SLC38A12: variants seen among roughly 807,000 people sequenced by gnomAD.
SLC38A12 encodes the protein putative sodium-coupled neutral amino acid transporter 12.
chr17:74,781,562 A>C, the SLC38A12 span, among the ~76,000 whole-genome samples: 5 of 152,204 alleles, frequency 3.3e-5, no homozygotes, highest in Non-Finnish European at 5.9e-5. Flanking sequence ...CACAGGCATG[A>C]GCCACCATAC....
chr17:74,826,454 C>T, the SLC38A12 span, among the ~76,000 whole-genome samples: 1 of 152,236 alleles, frequency 6.6e-6, no homozygotes, highest in Admixed American at 6.5e-5. Flanking sequence ...AGCTAGAATC[C>T]TCCAGAAAGC....
chr17:74,813,087 G>A, the SLC38A12 span, among the ~76,000 whole-genome samples: 2 of 152,226 alleles, frequency 1.3e-5, no homozygotes, highest in African/African-American at 4.8e-5. Flanking sequence ...ATGGGAGCCA[G>A]CGGGTCACAG....
chr17:74,794,302 CCTG>C, the SLC38A12 span, among the ~76,000 whole-genome samples: 2 of 152,216 alleles, frequency 1.3e-5, no homozygotes, highest in Non-Finnish European at 2.9e-5. Context: ...CGTTCAGCCT[CCTG>C]CTGGAGTGAG....
At chr17:74,814,465 C>T in the SLC38A12 span, among the ~76,000 whole-genome samples, 13 of 152,198 alleles carry the variant, frequency 8.5e-5, no homozygotes, top group African/African-American at 2.7e-4. Flanking sequence ...ATATCATTCT[C>T]CCTGAAGCCA....
chr17:74,819,055 G>A, the SLC38A12 span, among the ~76,000 whole-genome samples: 8,209 of 152,250 alleles, frequency 0.054, 252 homozygotes, highest in Middle Eastern at 0.14. Flanking sequence ...ACCAGCACCC[G>A]CTTCTCTGCC....
the SLC38A12 span, among the ~76,000 whole-genome samples, chr17:74,790,022 C>T: frequency 6.6e-6 from 1 of 150,676 alleles, no homozygotes; most frequent in African/African-American, 2.4e-5. Context: ...GTTGCAATCA[C>T]GGCTCACTGC....
the SLC38A12 span, among the ~76,000 whole-genome samples, chr17:74,816,152 T>A: frequency 6.6e-6 from 1 of 152,204 alleles, no homozygotes; most frequent in East Asian, 1.9e-4. Context: ...CTCCTCCCTG[T>A]CAGCCCCATC....
At chr17:74,839,026 C>T in the SLC38A12 span, 3 of 1,535,734 alleles carry the variant, frequency 2.0e-6, no homozygotes, top group Non-Finnish European at 2.6e-6. Context: ...CCCCAGATGC[C>T]CCCGGTGCAG....
At chr17:74,823,737 C>T in the SLC38A12 span, among the ~76,000 whole-genome samples, 1 of 152,214 alleles carries the variant, frequency 6.6e-6, no homozygotes, top group African/African-American at 2.4e-5. Flanking sequence ...AGGTGGCCAC[C>T]GCAGATTCCT....
chr17:74,825,976 C>T, the SLC38A12 span, among the ~76,000 whole-genome samples: 2 of 152,216 alleles, frequency 1.3e-5, no homozygotes, highest in Non-Finnish European at 2.9e-5. Flanking sequence ...CTCTCCTTCC[C>T]GTCTCTCTCT....
chr17:74,838,462 C>T, the SLC38A12 span: 21 of 1,022,546 alleles, frequency 2.1e-5, no homozygotes, highest in African/African-American at 3.3e-4. Flanking sequence ...ATCATCCTGC[C>T]ACCCGAGGCT....
chr17:74,818,259 C>G, the SLC38A12 span, among the ~76,000 whole-genome samples: 1 of 152,184 alleles, frequency 6.6e-6, no homozygotes, highest in African/African-American at 2.4e-5. Flanking sequence ...GCCCCATCCC[C>G]CAAGCCTGAT....
At chr17:74,777,251 C>T in the SLC38A12 span, 1 of 1,550,428 alleles carries the variant, frequency 6.4e-7, no homozygotes, top group Non-Finnish European at 8.9e-7. Context: ...GAAGCCTGCT[C>T]TTTTGTTTTA....
At chr17:74,810,619 A>T in the SLC38A12 span, among the ~76,000 whole-genome samples, 6 of 152,326 alleles carry the variant, frequency 3.9e-5, no homozygotes, top group East Asian at 1.2e-3. Context: ...CTAGAACCCG[A>T]CAGCCTGTCC....
the SLC38A12 span, chr17:74,836,516 C>T: frequency 5.0e-6 from 8 of 1,612,712 alleles, no homozygotes; most frequent in Non-Finnish European, 6.8e-6. This position sits in a 1 kb window ranked among gnomAD's most constrained non-coding sequence, Gnocchi z 4.2. Context: ...TCCCCGCCTT[C>T]CTGGTGTACC....
the SLC38A12 span, among the ~76,000 whole-genome samples, chr17:74,809,542 A>G: frequency 2.0e-5 from 3 of 152,172 alleles, no homozygotes; most frequent in Non-Finnish European, 4.4e-5. Flanking sequence ...CACAGCTGCC[A>G]TGGGATGGCC....
chr17:74,798,286 CT>C, the SLC38A12 span, among the ~76,000 whole-genome samples: 1 of 152,240 alleles, frequency 6.6e-6, no homozygotes, highest in South Asian at 2.1e-4. Flanking sequence ...GCGATTTCTT[CT>C]GTGTCTTCCC....
At chr17:74,802,515 C>A in the SLC38A12 span, among the ~76,000 whole-genome samples, 1 of 152,178 alleles carries the variant, frequency 6.6e-6, no homozygotes, top group Non-Finnish European at 1.5e-5. Context: ...ACCGACATAG[C>A]CCCCTTCACA....
chr17:74,810,703 C>T, the SLC38A12 span, among the ~76,000 whole-genome samples: 3 of 152,242 alleles, frequency 2.0e-5, no homozygotes, highest in Non-Finnish European at 4.4e-5. Context: ...GGGCGCTGCT[C>T]ACCCTCTGCC....
Sources: gnomAD v4.1 joint callset for allele counts (sites outside exome capture counted in the v4.1 genomes callset) on GRCh38, gnomAD v4.1.1 for gene constraint, Gnocchi (gnomAD v3.1) non-coding constraint, MANE v1.5 for transcripts, NCBI Gene and HGNC (gene_info 2026-07-23, HGNC 2026-07-21) for gene names.